LOXHD1: variants seen among roughly 807,000 people sequenced by gnomAD.
LOXHD1 encodes the protein lipoxygenase homology domain-containing protein 1.
LOXHD1 carries 205 observed loss-of-function variants against 248.2 expected under a neutral mutation model. That is an observed-to-expected ratio of 0.83 (90% CI 0.74 to 0.93). The LOEUF (loss-of-function observed/expected upper bound fraction) is 0.93. Among genes scored for constraint, LOXHD1 ranks in the 40% least tolerant of loss-of-function variants. The pLI is 0.00. For missense variants in LOXHD1, 2,930 were observed against 2,971.6 expected (o/e 0.99, Z 0.33); for synonymous variants, 1,113 against 1,162.8 (o/e 0.96, Z 0.87).
rs1025757834 is a variant in LOXHD1, at chr18:46,518,268, G to A, written c.5272-12C>T. On this transcript the variant is annotated splice_polypyrimidine_tract_variant and intron_variant, in intron 33 of 40. Coordinates refer to ENST00000642948, the MANE Select transcript of LOXHD1 (RefSeq NM_001384474.1). Reference sequence around the variant, plus strand: ...ATTTCATAGAGAACCTGCCATGAGAGGAATGCAGGTGCTGAGTCTCAGCCT... The same window carrying A: ...ATTTCATAGAGAACCTGCCATGAGAAGAATGCAGGTGCTGAGTCTCAGCCT... 6.5e-7 allele frequency: 1 copy of A among 1,550,138 alleles called. No individual in the cohort carries two copies.
chr18:46,545,664 C>G (rs1034612836), intron 22 of LOXHD1, among the ~76,000 whole-genome samples: 3 of 108,296 alleles, frequency 2.8e-5, no homozygotes, highest in Non-Finnish European at 5.2e-5. Flanking sequence ...GAGTCTCGCT[C>G]TGTCGCCCAG....
At chr18:46,567,088 T>C (rs929272394) in intron 16 of LOXHD1, among the ~76,000 whole-genome samples, 4 of 152,246 alleles carry the variant, frequency 2.6e-5, no homozygotes, top group Non-Finnish European at 4.4e-5. Context: ...ATGGGCAACA[T>C]AGAGGGGAGT....
chr18:46,651,509 C>T (rs1308219726), intron 1 of LOXHD1, among the ~76,000 whole-genome samples: 1 of 151,878 alleles, frequency 6.6e-6, no homozygotes, highest in African/African-American at 2.4e-5. Context: ...AGCCACACCA[C>T]ATGAGAGAAG....
intron 1 of LOXHD1, among the ~76,000 whole-genome samples, chr18:46,650,023 C>A (rs112365910): frequency 0.028 from 4,270 of 152,144 alleles, 191 homozygotes; most frequent in African/African-American, 0.098. Flanking sequence ...GCTCTATACC[C>A]ATTTCCAGAA....
intron 6 of LOXHD1, among the ~76,000 whole-genome samples, chr18:46,605,663 C>T (rs2038402576): frequency 6.6e-6 from 1 of 152,218 alleles, no homozygotes; most frequent in East Asian, 1.9e-4. Context: ...CAGGACAGTA[C>T]CATCCAGGAT....
At chr18:46,532,624 G>A (rs974025591) in intron 28 of LOXHD1, among the ~76,000 whole-genome samples, 4 of 152,212 alleles carry the variant, frequency 2.6e-5, no homozygotes, top group Non-Finnish European at 5.9e-5. Context: ...AAACCACATT[G>A]ATGAAGAATG....
intron 37 of LOXHD1, among the ~76,000 whole-genome samples, chr18:46,496,047 G>A (rs4890663): frequency 0.45 from 68,951 of 151,936 alleles, 17,350 homozygotes; most frequent in East Asian, 0.68. Context: ...AAATAAATAG[G>A]AACACACTAT....
chr18:46,507,224 G>A (rs924408454), intron 36 of LOXHD1, among the ~76,000 whole-genome samples: 20 of 152,342 alleles, frequency 1.3e-4, no homozygotes, highest in African/African-American at 4.8e-4. Context: ...ACACTTGGGC[G>A]AGGGGTGCCA....
rs549669550 is a variant in LOXHD1 at position 46,592,565 on chromosome 18, C to A, written c.1451G>T (p.Gly484Val). The A allele has an allele frequency of 6.4e-7, 1 of 1,551,586 alleles. No individual in the cohort carries two copies. The highest frequency in any genetic ancestry group is 1.2e-5 in the South Asian group (1 of 84,046). Residue 484 changes from glycine (G) to valine (V), a missense_variant, in exon 11 of 41, where the codon GGC (glycine) becomes GTC (valine). Physicochemically the swap from Gly to Val is moderately radical, Grantham distance 109. Transcript: ENST00000642948. ...EKFRIELPDL[G>V]RFYKIRVWHD... ...CCATACTCGAATCTTATAAAACCTG[C>A]CAAGATCCGGGAGCTCAATCTATGG...
At chr18:46,553,077 A>T (rs2037173876) in intron 21 of LOXHD1, among the ~76,000 whole-genome samples, 1 of 152,236 alleles carries the variant, frequency 6.6e-6, no homozygotes, top group Non-Finnish European at 1.5e-5. Flanking sequence ...CACCACTGTC[A>T]CTGTGCCTTG....
chr18:46,482,882 G>A (rs1168951339), intron 40 of LOXHD1, among the ~76,000 whole-genome samples: 1 of 152,174 alleles, frequency 6.6e-6, no homozygotes, highest in Non-Finnish European at 1.5e-5. Flanking sequence ...CTTACCCTTT[G>A]GCAAGCCTTG....
chr18:46,611,867 A>G (rs898459850), intron 5 of LOXHD1, among the ~76,000 whole-genome samples: 1 of 152,156 alleles, frequency 6.6e-6, no homozygotes, highest in Non-Finnish European at 1.5e-5. Context: ...AACTTGGTAT[A>G]TATCATTCCC....
intron 34 of LOXHD1, among the ~76,000 whole-genome samples, chr18:46,514,592 C>G (rs1323014729): frequency 6.6e-6 from 1 of 152,176 alleles, no homozygotes; most frequent in East Asian, 1.9e-4. Context: ...ATTTCCTGAT[C>G]CTTTCCTGAA....
intron 25 of LOXHD1, among the ~76,000 whole-genome samples, chr18:46,540,078 C>T (rs2036489903): frequency 6.6e-6 from 1 of 152,202 alleles, no homozygotes; most frequent in South Asian, 2.1e-4. Context: ...ATGGTCCTTA[C>T]CTCCTTTAAC....
chr18:46,521,985 G>C (rs1184950230), intron 32 of LOXHD1, 116 bp downstream of exon 32: 7 of 813,412 alleles, frequency 8.6e-6, no homozygotes, highest in Non-Finnish European at 1.3e-5. Context: ...CCTGCTCTAA[G>C]GGGTGCTGCA....
At chr18:46,517,036 T>C (rs1040700516) in intron 34 of LOXHD1, among the ~76,000 whole-genome samples, 8 of 152,148 alleles carry the variant, frequency 5.3e-5, no homozygotes, top group African/African-American at 1.9e-4. Context: ...TATGAGGGGC[T>C]CAGAAAGGAA....
At chr18:46,507,770 C>A (rs536850306) in intron 35 of LOXHD1, 58 bp from the exon 36 acceptor site, 351 of 1,500,182 alleles carry the variant, frequency 2.3e-4, no homozygotes, top group Non-Finnish European at 3.0e-4. Flanking sequence ...CCACCAGCAC[C>A]CCCTGGCTCA....
intron 36 of LOXHD1, 134 bp from the exon 37 acceptor site, chr18:46,506,157 G>A (rs1250886670): frequency 1.1e-6 from 1 of 880,184 alleles, no homozygotes; most frequent in Non-Finnish European, 1.7e-6. Context: ...AGAAGGCCAG[G>A]GGTGAGGTTG....
At chr18:46,642,063 A>C (rs2038969693) in intron 2 of LOXHD1, 27 bp from the exon 3 acceptor site, 1 of 1,546,956 alleles carries the variant, frequency 6.5e-7, no homozygotes, top group Non-Finnish European at 8.8e-7. Flanking sequence ...CAGTTAGTGC[A>C]GATCAGCTGT....
Sources: allele counts gnomAD v4.1 joint callset (sites outside exome capture counted in the v4.1 genomes callset), GRCh38; gene constraint gnomAD v4.1.1; transcripts MANE v1.5; gene names NCBI Gene and HGNC (gene_info 2026-07-23, HGNC 2026-07-21).